CNTNAP5: variants seen among roughly 807,000 people sequenced by gnomAD.
CNTNAP5 encodes the protein contactin-associated protein-like 5.
CNTNAP5 carries 72 observed loss-of-function variants against 150.2 expected under a neutral mutation model. The ratio of observed to expected loss-of-function variants is 0.48; its 90% confidence interval spans 0.40 to 0.58. The LOEUF (loss-of-function observed/expected upper bound fraction) is 0.58, where lower values mean the gene tolerates loss of function less well. Ranked by LOEUF, CNTNAP5 falls within the 20% of genes least tolerant of loss-of-function variation. The pLI is 0.00. For missense variants in CNTNAP5, 1,636 were observed against 1,626.2 expected, an observed-to-expected ratio of 1.01 and a Z score of -0.10; for synonymous variants, 672 against 619.8, an observed-to-expected ratio of 1.08 and a Z score of -1.25.
chr2:124,043,501 A>C (rs1423415270), intron 1 of CNTNAP5, among the ~76,000 whole-genome samples: 1 of 152,068 alleles, frequency 6.6e-6, no homozygotes. Context: ...CAATCTTTTC[A>C]ATCTTTTTAT....
chr2:124,171,825 A>G (rs1268157354), intron 1 of CNTNAP5, among the ~76,000 whole-genome samples: 1 of 152,198 alleles, frequency 6.6e-6, no homozygotes, highest in Non-Finnish European at 1.5e-5. Flanking sequence ...TTTATCAGCA[A>G]ATAGGAATAC....
At chr2:124,097,098 G>A (rs1682955768) in intron 1 of CNTNAP5, among the ~76,000 whole-genome samples, 1 of 152,104 alleles carries the variant, frequency 6.6e-6, no homozygotes, top group African/African-American at 2.4e-5. Flanking sequence ...ACTCGAATTT[G>A]GGTATTCTTT....
intron 3 of CNTNAP5, among the ~76,000 whole-genome samples, chr2:124,408,316 C>T (rs1383537302): frequency 1.3e-5 from 2 of 152,262 alleles, no homozygotes; most frequent in African/African-American, 2.4e-5. Flanking sequence ...GAGGGGCGCC[C>T]GCCATTGCCC....
intron 1 of CNTNAP5, among the ~76,000 whole-genome samples, chr2:124,168,735 T>C (rs1328630756): frequency 6.6e-6 from 1 of 152,120 alleles, no homozygotes; most frequent in Non-Finnish European, 1.5e-5. Flanking sequence ...TGTATAAAAA[T>C]ATAGAGTAAA....
intron 13 of CNTNAP5, among the ~76,000 whole-genome samples, chr2:124,723,154 T>C (rs914828392): frequency 3.3e-5 from 5 of 152,208 alleles, no homozygotes; most frequent in African/African-American, 1.2e-4. Context: ...TGCTTTAATG[T>C]ATCTCTTCCA....
chr2:124,561,941 G>A (rs146272062), intron 10 of CNTNAP5, among the ~76,000 whole-genome samples: 71 of 152,058 alleles, frequency 4.7e-4, no homozygotes, highest in African/African-American at 1.7e-3. Flanking sequence ...TTATTTTCCT[G>A]TACTCTCTCA....
chr2:124,234,609 G>T (rs1686702002), intron 2 of CNTNAP5, among the ~76,000 whole-genome samples: 1 of 151,946 alleles, frequency 6.6e-6, no homozygotes, highest in Non-Finnish European at 1.5e-5. Flanking sequence ...GGTCTGTAGG[G>T]GTCATGAATA....
chr2:124,351,682 A>G (rs1277344945), intron 3 of CNTNAP5, among the ~76,000 whole-genome samples: 1 of 152,214 alleles, frequency 6.6e-6, no homozygotes. Flanking sequence ...ATGTTTCCCT[A>G]CATCTATTGA....
At chr2:124,602,655 G>A (rs1573490127) in intron 11 of CNTNAP5, among the ~76,000 whole-genome samples, 1 of 151,992 alleles carries the variant, frequency 6.6e-6, no homozygotes, top group East Asian at 1.9e-4. Context: ...TACGCACCCA[G>A]CTAATTTTAA....
Position 124,461,384 on chromosome 2 carries a change from G to A in CNTNAP5, c.919-13355G>A, listed in dbSNP as rs564687141. ...GAGTTCATGTCCTTTGTAAGGACAT[G>A]GATGAAATTGGAAATCATCATTCTC... On this transcript the variant is annotated intron_variant, in intron 6 of 23. Coordinates refer to ENST00000682447, the MANE Select transcript of CNTNAP5 (RefSeq NM_001367498.1). 1.7e-3 allele frequency among the ~76,000 whole-genome samples: 259 copies of A among 151,880 alleles called. 1 individual carries two copies. Among genetic ancestry groups the A allele is most frequent in the African/African-American group, 5.9e-3 (246 of 41,388 alleles).
intron 19 of CNTNAP5, among the ~76,000 whole-genome samples, chr2:124,803,801 C>A (rs909918973): frequency 6.6e-6 from 1 of 152,106 alleles, no homozygotes; most frequent in African/African-American, 2.4e-5. Context: ...ACACAAAACT[C>A]GGCAGTGGCT....
At position 124,083,135 on chromosome 2, in the gene CNTNAP5, G is replaced by C. The variant is rs553970507; in HGVS notation, c.82+57403G>C. ...GGAGGCTAAGAGGGCAGATCATGAGGCCAAGAGTTCAAGACCAGTCTGACC... is the reference window on the plus strand; with the variant it reads ...GGAGGCTAAGAGGGCAGATCATGAGCCCAAGAGTTCAAGACCAGTCTGACC... On this transcript the variant is annotated intron_variant, in intron 1 of 23. Transcript: ENST00000682447. Among the ~76,000 whole-genome samples the C allele has an allele frequency of 3.9e-5, 6 of 152,286 alleles. No individual in the cohort carries two copies. In the East Asian group the frequency reaches 1.2e-3, roughly 29 times the overall value.
chr2:124,064,313 A>G (rs913475158), intron 1 of CNTNAP5, among the ~76,000 whole-genome samples: 1 of 152,154 alleles, frequency 6.6e-6, no homozygotes, highest in Non-Finnish European at 1.5e-5. Flanking sequence ...GTCACTCGCT[A>G]TAGGGTTCCC....
intron 3 of CNTNAP5, among the ~76,000 whole-genome samples, chr2:124,338,356 A>C (rs989142640): frequency 3.3e-5 from 5 of 152,078 alleles, no homozygotes; most frequent in Non-Finnish European, 5.9e-5. Flanking sequence ...AATACCCTTT[A>C]TTTCTTTCTC....
intron 8 of CNTNAP5, among the ~76,000 whole-genome samples, chr2:124,522,677 A>G (rs1271030932): frequency 6.9e-6 from 1 of 144,476 alleles, no homozygotes; most frequent in African/African-American, 2.5e-5. Flanking sequence ...TTGTCAAAGG[A>G]TATTGTTTAA....
At chr2:124,838,386 CAAAA>C (rs1682873400) in intron 19 of CNTNAP5, among the ~76,000 whole-genome samples, 1 of 152,022 alleles carries the variant, frequency 6.6e-6, no homozygotes, top group Non-Finnish European at 1.5e-5. Context: ...GCCTGCCTCT[CAAAA>C]AACATGTTGA....
rs536443657 is a variant in CNTNAP5 at position 124,697,316 on chromosome 2, C to T, written c.2077+49358C>T. On this transcript the variant is annotated intron_variant, in intron 13 of 23. Coordinates refer to ENST00000682447, the MANE Select transcript of CNTNAP5 (RefSeq NM_001367498.1). ...AGTTCCTACCCAATGTCTTTTTTCT[C>T]TTCTGAGATTCCATCCAGGATGCCA... Among the ~76,000 whole-genome samples the T allele has an allele frequency of 2.6e-5, 4 of 152,152 alleles. No homozygotes were observed. In the East Asian group the frequency reaches 7.8e-4, roughly 29 times the overall value.
At chr2:124,655,310 C>T (rs994701046) in intron 13 of CNTNAP5, among the ~76,000 whole-genome samples, 6 of 152,072 alleles carry the variant, frequency 3.9e-5, no homozygotes, top group Non-Finnish European at 7.3e-5. Flanking sequence ...CATGTCCCTG[C>T]AAAGGACATG....
intron 2 of CNTNAP5, among the ~76,000 whole-genome samples, chr2:124,229,386 A>G (rs1250370177): frequency 1.3e-5 from 2 of 152,162 alleles, no homozygotes; most frequent in East Asian, 1.9e-4. Flanking sequence ...AAGCTCAACT[A>G]TAATAGTCTC....
Sources: gnomAD v4.1 joint callset for allele counts (sites outside exome capture counted in the v4.1 genomes callset) on GRCh38, gnomAD v4.1.1 for gene constraint, MANE v1.5 for transcripts, NCBI Gene and HGNC (gene_info 2026-07-23, HGNC 2026-07-21) for gene names.